Variants in PCDH9 observed in about 807,000 individuals in gnomAD.
PCDH9 encodes the protein protocadherin 9, also known as protocadherin-9.
In PCDH9, 24 loss-of-function variants were observed where a neutral mutation model predicts 70.6. The ratio of observed to expected loss-of-function variants is 0.34; its 90% CI spans 0.25 to 0.48. The LOEUF is 0.48. Ranked by LOEUF, PCDH9 falls within the 20% of genes least tolerant of loss-of-function variation. PCDH9 has a pLI of 0.99. For synonymous variants in PCDH9, 562 were observed against 558.5 expected (o/e 1.01, Z -0.09); for missense variants, 1,281 against 1,503.6 (o/e 0.85, Z 2.45).
At chr13:67,046,019 T>C (rs1293339638) in intron 2 of PCDH9, among the ~76,000 whole-genome samples, 1 of 152,140 alleles carries the variant, frequency 6.6e-6, no homozygotes, top group Non-Finnish European at 1.5e-5. Flanking sequence ...ACCCCAAATA[T>C]AAACTGAAAA....
intron 4 of PCDH9, among the ~76,000 whole-genome samples, chr13:66,392,177 G>A (rs1272686324): frequency 1.3e-5 from 2 of 151,114 alleles, no homozygotes; most frequent in Non-Finnish European, 3.0e-5. Flanking sequence ...ACTAAGATTA[G>A]GAAGTGACTG....
intron 4 of PCDH9, among the ~76,000 whole-genome samples, chr13:66,555,362 T>G (rs981014818): frequency 6.6e-6 from 1 of 151,018 alleles, no homozygotes; most frequent in East Asian, 1.9e-4. Context: ...GAAACCTAGA[T>G]AGCAATTTTA....
chr13:66,662,187 A>G (rs2078018787), intron 3 of PCDH9, among the ~76,000 whole-genome samples: 1 of 152,088 alleles, frequency 6.6e-6, no homozygotes, highest in African/African-American at 2.4e-5. Flanking sequence ...AGAATGTCAC[A>G]TAAGGCCGGG....
intron 2 of PCDH9, among the ~76,000 whole-genome samples, chr13:66,922,034 T>C (rs2082644909): frequency 6.6e-6 from 1 of 151,300 alleles, no homozygotes; most frequent in Non-Finnish European, 1.5e-5. Context: ...ACTTGTGACT[T>C]AGGTTAACTT....
chr13:66,863,848 C>T (rs1447687233), intron 3 of PCDH9, among the ~76,000 whole-genome samples: 1 of 151,962 alleles, frequency 6.6e-6, no homozygotes, highest in Non-Finnish European at 1.5e-5. Flanking sequence ...GGTCCGTTCT[C>T]CTGCTGCTCG....
chr13:66,757,678 A>G (rs2079558044), intron 3 of PCDH9, among the ~76,000 whole-genome samples: 1 of 152,100 alleles, frequency 6.6e-6, no homozygotes, highest in Non-Finnish European at 1.5e-5. Flanking sequence ...TTCACCCCTT[A>G]AAAAAGGGAA....
chr13:66,903,887 TG>T (rs1173690080), intron 2 of PCDH9, among the ~76,000 whole-genome samples: 1 of 152,048 alleles, frequency 6.6e-6, no homozygotes, highest in African/African-American at 2.4e-5. Flanking sequence ...ATTACATTTA[TG>T]ACTTTGGTAG....
At chr13:66,381,382 CAAAT>C (rs1309925558) in intron 4 of PCDH9, among the ~76,000 whole-genome samples, 2 of 152,048 alleles carry the variant, frequency 1.3e-5, no homozygotes, top group African/African-American at 4.8e-5. Context: ...TGACTGTGCT[CAAAT>C]AGTAAAACTT....
chr13:67,105,234 A>G (rs1302152522), intron 2 of PCDH9, among the ~76,000 whole-genome samples: 1 of 152,198 alleles, frequency 6.6e-6, no homozygotes, highest in East Asian at 1.9e-4. Flanking sequence ...AGATCGTAAT[A>G]TTTTTGTTCT....
chr13:66,591,955 T>C (rs919902803), intron 4 of PCDH9, among the ~76,000 whole-genome samples: 3 of 151,488 alleles, frequency 2.0e-5, no homozygotes, highest in Admixed American at 6.6e-5. Flanking sequence ...CCACTGAAAA[T>C]ATGACAAGAA....
chr13:66,726,114 T>C (rs535888120), intron 3 of PCDH9, among the ~76,000 whole-genome samples: 10 of 152,178 alleles, frequency 6.6e-5, no homozygotes, highest in Non-Finnish European at 1.5e-4. Flanking sequence ...TTACAAGTTT[T>C]CCTGTTAAAA....
chr13:66,435,381 T>A (rs1263813777), intron 4 of PCDH9, among the ~76,000 whole-genome samples: 1 of 152,172 alleles, frequency 6.6e-6, no homozygotes, highest in African/African-American at 2.4e-5. Context: ...TATAAATTAG[T>A]TATTAAATGG....
rs561862543 is a variant in PCDH9 at position 66,421,128 on chromosome 13, GA to G, written c.3341-116101del. On this transcript the variant is annotated intron_variant, in intron 4 of 4. Coordinates refer to ENST00000377865, the MANE Select transcript of PCDH9 (RefSeq NM_203487.3). The stretch of plus-strand genomic sequence containing the variant: ...AATAAAGTGTGAAGACAAGATTAGA[GA>G]AAAAAAAAAGGAAAGCAATGAACAA... 3.7e-3 allele frequency among the ~76,000 whole-genome samples: 542 copies of G among 145,170 alleles called. 3 individuals carry two copies. The highest frequency in any genetic ancestry group is 6.0e-3 in the Non-Finnish European group (393 of 65,882).
intron 2 of PCDH9, among the ~76,000 whole-genome samples, chr13:67,030,133 T>C (rs1192959542): frequency 6.6e-6 from 1 of 152,100 alleles, no homozygotes. Context: ...CAGGCTGGAG[T>C]GCAGTGGCAC....
intron 2 of PCDH9, among the ~76,000 whole-genome samples, chr13:67,132,101 A>G (rs1407967411): frequency 6.6e-6 from 1 of 152,164 alleles, no homozygotes; most frequent in Non-Finnish European, 1.5e-5. Flanking sequence ...ATTATCTAGC[A>G]AGTTGACTTT....
In PCDH9 at chr13:67,018,635, A is replaced by G. The variant is rs1437565460; in HGVS notation, c.3037-115030T>C. Among the ~76,000 whole-genome samples, 5 of 148,348 alleles carry G rather than the reference A, an allele frequency of 3.4e-5. No homozygotes were observed. The Admixed American group carries it at 3.4e-4, about 10-fold the overall frequency. On this transcript the variant is annotated intron_variant, in intron 2 of 4. Coordinates refer to ENST00000377865, the MANE Select transcript of PCDH9 (RefSeq NM_203487.3). ...TCGTCTCAAAAAAAAAAAAAAAAGG[A>G]AAAAAAAAGATACAAGGGATAGCCA...
At chr13:66,965,525 CA>C (rs1195218356) in intron 2 of PCDH9, among the ~76,000 whole-genome samples, 11 of 152,190 alleles carry the variant, frequency 7.2e-5, no homozygotes, top group African/African-American at 2.4e-4. Flanking sequence ...TTAAATGCCC[CA>C]AAAACAACCA....
At chr13:67,138,464 A>G (rs1327825051) in intron 2 of PCDH9, among the ~76,000 whole-genome samples, 1 of 152,298 alleles carries the variant, frequency 6.6e-6, no homozygotes, top group African/African-American at 2.4e-5. Context: ...TAGGGTCTGG[A>G]GGCAGGGAAC....
At chr13:67,106,459 G>C (rs1227138982) in intron 2 of PCDH9, among the ~76,000 whole-genome samples, 1 of 152,222 alleles carries the variant, frequency 6.6e-6, no homozygotes, top group Non-Finnish European at 1.5e-5. Context: ...GTGAAAAGCA[G>C]GAGGTTAATC....
Sources: allele counts gnomAD v4.1 joint callset (sites outside exome capture counted in the v4.1 genomes callset), GRCh38; gene constraint gnomAD v4.1.1; transcripts MANE v1.5; gene names NCBI Gene and HGNC (gene_info 2026-07-23, HGNC 2026-07-21).